The following IARS1 variants were observed in gnomAD, a reference collection of about 807,000 sequenced individuals.
The protein encoded by IARS1 is isoleucine--tRNA ligase, cytoplasmic.
In IARS1, 124 loss-of-function variants were observed where a neutral mutation model predicts 168.2. The observed-to-expected ratio is 0.74, with a 90% CI of 0.64 to 0.86. The LOEUF (loss-of-function observed/expected upper bound fraction) is 0.86. Among genes scored for constraint, IARS1 ranks in the 40% least tolerant of loss-of-function variants. The pLI is 0.00. For missense variants in IARS1, 1,452 were observed against 1,515.8 expected, an observed-to-expected ratio of 0.96 and a Z score of 0.70; for synonymous variants, 532 against 529.4, an observed-to-expected ratio of 1.00 and a Z score of -0.07.
At chr9:92,215,099 A>T (rs1426593962) in intron 33 of IARS1, among the ~76,000 whole-genome samples, 1 of 152,190 alleles carries the variant, frequency 6.6e-6, no homozygotes, top group East Asian at 1.9e-4. Flanking sequence ...TGCCTCCTCA[A>T]GTGGGTCCCT....
At chr9:92,251,950 A>C in intron 21 of IARS1, 65 bp from the exon 22 acceptor site, 1 of 1,198,642 alleles carries the variant, frequency 8.3e-7, no homozygotes, top group East Asian at 2.5e-5. Flanking sequence ...TAAAAAAATA[A>C]GTTTATTAAA....
At chr9:92,242,368 A>G (rs765626247) in intron 28 of IARS1, 38 bp from the exon 29 acceptor site, 7 of 1,530,436 alleles carry the variant, frequency 4.6e-6, no homozygotes, top group Non-Finnish European at 6.3e-6. Context: ...AGGGAAGTAC[A>G]TTCTATTAAT....
intron 6 of IARS1, among the ~76,000 whole-genome samples, chr9:92,282,886 A>T (rs1834862888): frequency 6.7e-6 from 1 of 148,496 alleles, no homozygotes; most frequent in Non-Finnish European, 1.5e-5. Context: ...ACAGAGTCTA[A>T]CTCTGTCACC....
chr9:92,213,767 CCT>C (rs1226528060), intron 33 of IARS1, among the ~76,000 whole-genome samples: 1 of 152,176 alleles, frequency 6.6e-6, no homozygotes, highest in Non-Finnish European at 1.5e-5. Flanking sequence ...ATAGACAGAT[CCT>C]GTCTCCATCA....
intron 10 of IARS1, among the ~76,000 whole-genome samples, chr9:92,271,949 A>G (rs1833103655): frequency 6.6e-6 from 1 of 152,236 alleles, no homozygotes. Context: ...AAGTGAAAGG[A>G]ATTAAGAAAG....
chr9:92,216,296 C>T lies in IARS1; in HGVS notation c.3707-5407G>A, dbSNP rs1407598230. ...AGCGCTAAACATGGAAAGGAACAAC[C>T]GGTACCAGCTGCTGCAAAATCATGC... is the stretch of plus-strand genomic sequence containing the variant. On this transcript the variant is annotated intron_variant, in intron 33 of 33. Coordinates refer to ENST00000443024, the MANE Select transcript of IARS1 (RefSeq NM_002161.6). 8.6e-3 allele frequency among the ~76,000 whole-genome samples: 1,289 copies of T among 150,742 alleles called. 30 individuals carry two copies. The highest frequency in any genetic ancestry group is 0.028 in the African/African-American group (1,157 of 40,970).
rs1260552806 is a variant in IARS1 at position 92,260,241 on chromosome 9, A to C, written c.1788-7T>G. ...GCTCATTTTTTGGCCATCACTTGTAAAACAAAAGGGAGATGCCAATTAAGT... is the reference window on the plus strand; with the variant it reads ...GCTCATTTTTTGGCCATCACTTGTACAACAAAAGGGAGATGCCAATTAAGT... On this transcript the variant is annotated splice_region_variant and splice_polypyrimidine_tract_variant and intron_variant, in intron 17 of 33. Coordinates refer to ENST00000443024, the MANE Select transcript of IARS1 (RefSeq NM_002161.6). 3.8e-6 allele frequency: 6 copies of C among 1,587,126 alleles called. No homozygotes were observed. Among genetic ancestry groups the C allele is most frequent in the Non-Finnish European group, 2.6e-6 (3 of 1,155,308 alleles).
At chr9:92,214,697 T>C (rs553526967) in intron 33 of IARS1, among the ~76,000 whole-genome samples, 1 of 152,312 alleles carries the variant, frequency 6.6e-6, no homozygotes, top group East Asian at 1.9e-4. Flanking sequence ...CCCACCCGAA[T>C]ACTGCGCTTT....
At chr9:92,225,266 C>T (rs926412300) in intron 31 of IARS1, among the ~76,000 whole-genome samples, 1 of 152,232 alleles carries the variant, frequency 6.6e-6, no homozygotes, top group African/African-American at 2.4e-5. Flanking sequence ...TTTACCAACA[C>T]AGCATTCCAC....
chr9:92,256,495 T>A (rs1830739345), intron 20 of IARS1, 185 bp downstream of exon 20: 2 of 503,376 alleles, frequency 4.0e-6, no homozygotes, highest in Non-Finnish European at 6.4e-6. Flanking sequence ...AGGCCAGAAG[T>A]CCCCAGGGTC....
At chr9:92,212,269 G>C (rs2133299825) in intron 33 of IARS1, among the ~76,000 whole-genome samples, 1 of 152,186 alleles carries the variant, frequency 6.6e-6, no homozygotes, top group South Asian at 2.1e-4. Context: ...CTTTATGAAA[G>C]ACAATTCTGA....
Position 92,222,599 on chromosome 9 carries a change from A to T in IARS1, c.3627T>A (p.Gly1209=), listed in dbSNP as rs1158496554. 6.2e-7 allele frequency: 1 copy of T among 1,614,108 alleles called. No homozygotes were observed. The highest frequency in any genetic ancestry group is 2.2e-5 in the East Asian group (1 of 44,870). The change falls in exon 33 of 34, where the codon GGT becomes GGA. Residue 1209 remains glycine (G), a synonymous_variant. Transcript: ENST00000443024. ...PLGQNGLTHQ[G]LLYEAAKVFG... ...ACACCTTGGCTGCTTCATACAGAAGACCTTGGTGGGTGAGTCCATTCTGCC... is the reference window on the plus strand; with the variant it reads ...ACACCTTGGCTGCTTCATACAGAAGTCCTTGGTGGGTGAGTCCATTCTGCC...
intron 26 of IARS1, among the ~76,000 whole-genome samples, chr9:92,245,969 G>A (rs1829136675): frequency 1.3e-5 from 2 of 151,882 alleles, no homozygotes. Flanking sequence ...GCAGAGACGG[G>A]GTTTCACCGT....
chr9:92,261,495 T>C (rs1388487539), intron 17 of IARS1, among the ~76,000 whole-genome samples: 3 of 152,176 alleles, frequency 2.0e-5, no homozygotes, highest in Non-Finnish European at 4.4e-5. Context: ...GTTGAATTCA[T>C]TCAGTAACCT....
At chr9:92,261,647 T>C (rs970029256) in intron 17 of IARS1, among the ~76,000 whole-genome samples, 4 of 152,222 alleles carry the variant, frequency 2.6e-5, no homozygotes, top group African/African-American at 7.2e-5. Flanking sequence ...ATATATACTG[T>C]AGTTTTGCAA....
At chr9:92,230,640 T>G (rs770516427) in intron 30 of IARS1, among the ~76,000 whole-genome samples, 3 of 152,158 alleles carry the variant, frequency 2.0e-5, no homozygotes, top group Non-Finnish European at 4.4e-5. Context: ...CACCTAGGAG[T>G]GCAACTGCGA....
intron 7 of IARS1, among the ~76,000 whole-genome samples, chr9:92,279,869 T>G (rs984689835): frequency 7.9e-5 from 12 of 152,230 alleles, no homozygotes; most frequent in African/African-American, 2.4e-4. Flanking sequence ...TCTCGATACC[T>G]CATATAAATA....
At chr9:92,244,705 T>C (rs1828926544) in intron 27 of IARS1, among the ~76,000 whole-genome samples, 2 of 152,336 alleles carry the variant, frequency 1.3e-5, no homozygotes, top group East Asian at 3.9e-4. Context: ...GGTTCATTTT[T>C]GTGCAACCCC....
At chr9:92,237,036 G>A (rs1827650490) in intron 30 of IARS1, among the ~76,000 whole-genome samples, 1 of 151,896 alleles carries the variant, frequency 6.6e-6, no homozygotes, top group Admixed American at 6.6e-5. Flanking sequence ...TTTCTCTATC[G>A]TTTTTGTTTT....
Sources: gnomAD v4.1 joint callset for allele counts (sites outside exome capture counted in the v4.1 genomes callset) on GRCh38, gnomAD v4.1.1 for gene constraint, MANE v1.5 for transcripts, NCBI Gene and HGNC (gene_info 2026-07-23, HGNC 2026-07-21) for gene names.